TBXAS1: variants seen among roughly 807,000 people sequenced by gnomAD.
The protein encoded by TBXAS1 is thromboxane-A synthase.
TBXAS1 carries 48 observed loss-of-function variants against 60.7 expected under a neutral mutation model. That is an observed-to-expected ratio of 0.79 (90% confidence interval 0.63 to 1.01). TBXAS1 has a LOEUF of 1.01. TBXAS1 is among the 50% of genes least tolerant of loss of function. The pLI, the probability that TBXAS1 is intolerant of heterozygous loss-of-function variation, is 0.00. For missense variants in TBXAS1, 685 were observed against 686.3 expected (o/e 1.00, Z 0.02); for synonymous variants, 287 against 269.7 (o/e 1.06, Z -0.63).
intron 9 of TBXAS1, among the ~76,000 whole-genome samples, chr7:139,996,208 C>G (rs1177601497): frequency 1.3e-5 from 2 of 151,632 alleles, no homozygotes; most frequent in African/African-American, 4.8e-5. Context: ...CTCAAGCAAT[C>G]CTGCCACCTC....
intron 9 of TBXAS1, among the ~76,000 whole-genome samples, chr7:139,966,302 G>A (rs1348869701): frequency 6.6e-6 from 1 of 152,218 alleles, no homozygotes; most frequent in Non-Finnish European, 1.5e-5. Flanking sequence ...CTCCAAGAAA[G>A]AGCAGATATG....
chr7:139,994,039 A>G (rs751862304), intron 9 of TBXAS1, among the ~76,000 whole-genome samples: 1 of 151,162 alleles, frequency 6.6e-6, no homozygotes, highest in Non-Finnish European at 1.5e-5. Flanking sequence ...GTGCACAACC[A>G]TGCCCAGCTG....
At chr7:139,967,133 G>A (rs1054028134) in intron 9 of TBXAS1, among the ~76,000 whole-genome samples, 5 of 152,248 alleles carry the variant, frequency 3.3e-5, no homozygotes, top group Non-Finnish European at 5.9e-5. Context: ...ATACCAGCTA[G>A]ATGGCTCCAG....
intron 3 of TBXAS1, among the ~76,000 whole-genome samples, chr7:139,889,240 A>G (rs1304314026): frequency 2.6e-5 from 4 of 151,910 alleles, no homozygotes; most frequent in Non-Finnish European, 5.9e-5. Flanking sequence ...AGGCTGAGAT[A>G]GGAGGATCGC....
chr7:139,908,602 C>T (rs1805286732), intron 3 of TBXAS1, among the ~76,000 whole-genome samples: 1 of 152,108 alleles, frequency 6.6e-6, no homozygotes, highest in South Asian at 2.1e-4. Flanking sequence ...CCATTTTGGA[C>T]CTTTTAGCCT....
intron 2 of TBXAS1, among the ~76,000 whole-genome samples, chr7:139,874,361 C>T (rs910736147): frequency 2.0e-5 from 3 of 152,144 alleles, no homozygotes; most frequent in Admixed American, 6.5e-5. Flanking sequence ...AGGAAAACGG[C>T]GTAGCTGTCG....
chr7:140,011,796 C>A (rs998752534), intron 10 of TBXAS1, among the ~76,000 whole-genome samples: 1 of 152,020 alleles, frequency 6.6e-6, no homozygotes, highest in Admixed American at 6.5e-5. Context: ...AACCACAGAA[C>A]TGCACACTGA....
chr7:139,996,058 T>C (rs1031801167), intron 9 of TBXAS1, among the ~76,000 whole-genome samples: 49 of 152,034 alleles, frequency 3.2e-4, no homozygotes, highest in Non-Finnish European at 2.9e-5. Context: ...TGCCTCAAAC[T>C]CCTAGGTTCA....
chr7:139,929,395 T>G (rs1275462443), intron 4 of TBXAS1, among the ~76,000 whole-genome samples: 2 of 151,816 alleles, frequency 1.3e-5, no homozygotes, highest in African/African-American at 4.8e-5. Flanking sequence ...TGTGATGGAG[T>G]GATGGCTAAT....
At chr7:139,843,708 G>C (rs978295699) in intron 1 of TBXAS1, among the ~76,000 whole-genome samples, 3 of 152,224 alleles carry the variant, frequency 2.0e-5, no homozygotes, top group Non-Finnish European at 4.4e-5. Flanking sequence ...CCTAAGAGGA[G>C]GGCCCACATC....
At chr7:139,977,929 C>T (rs1811680413) in intron 9 of TBXAS1, among the ~76,000 whole-genome samples, 1 of 152,150 alleles carries the variant, frequency 6.6e-6, no homozygotes, top group African/African-American at 2.4e-5. Flanking sequence ...TTAAAAGTCT[C>T]CTAGAAGCAT....
intron 1 of TBXAS1, among the ~76,000 whole-genome samples, chr7:139,835,198 C>G (rs1204912641): frequency 1.3e-5 from 2 of 151,886 alleles, no homozygotes; most frequent in Non-Finnish European, 2.9e-5. Context: ...TCCGGAGTAG[C>G]TGGCACTACA....
intron 4 of TBXAS1, among the ~76,000 whole-genome samples, chr7:139,794,943 T>G (rs1242389998): frequency 7.1e-6 from 1 of 141,196 alleles, no homozygotes; most frequent in East Asian, 2.1e-4. Context: ...GTTCCAAGTC[T>G]TTGCTATTGT....
intron 4 of TBXAS1, among the ~76,000 whole-genome samples, chr7:139,816,634 A>G (rs1269232858): frequency 1.3e-5 from 2 of 152,234 alleles, no homozygotes; most frequent in Non-Finnish European, 1.5e-5. Flanking sequence ...TGCAAATTCT[A>G]GGGCCCCAAC....
chr7:139,849,400 C>CA (rs3831717), intron 1 of TBXAS1, among the ~76,000 whole-genome samples: 68 of 147,616 alleles, frequency 4.6e-4, no homozygotes, highest in South Asian at 2.4e-3. Context: ...CAAAAAACAA[C>CA]AAAAAAAAAA....
chr7:139,848,365 T>A (rs763007380), intron 1 of TBXAS1, among the ~76,000 whole-genome samples: 2 of 152,150 alleles, frequency 1.3e-5, no homozygotes, highest in Non-Finnish European at 2.9e-5. Flanking sequence ...AAGTTGTGCA[T>A]CATTGATTAT....
rs910056170 is a variant in TBXAS1, at chr7:139,868,904, T to C, written c.90-3331T>C. On this transcript the variant is annotated intron_variant, in intron 1 of 12. Coordinates refer to ENST00000448866, the MANE Select transcript of TBXAS1 (RefSeq NM_001061.7). ...CTGACCTCAAGTGATCTGCCTGCCT[T>C]GGCTCCCCGAAGTGCTGGGATTACA... Among the ~76,000 whole-genome samples the C allele has an allele frequency of 5.3e-5, 8 of 151,950 alleles. No individual in the cohort carries two copies. The East Asian group carries it at 1.4e-3, about 26-fold the overall frequency.
intron 4 of TBXAS1, among the ~76,000 whole-genome samples, chr7:139,919,200 G>A (rs995354876): frequency 5.3e-5 from 8 of 152,272 alleles, no homozygotes; most frequent in Admixed American, 2.6e-4. Flanking sequence ...GGTCTTTCAC[G>A]TCTCCAGGTG....
At chr7:140,011,276 C>CA (rs796088893) in intron 10 of TBXAS1, among the ~76,000 whole-genome samples, 825 of 31,798 alleles carry the variant, frequency 0.026, 10 homozygotes, top group African/African-American at 0.084. Context: ...GACTCTGTCT[C>CA]AAAAAAAACA....
Sources: gnomAD v4.1 joint callset for allele counts (sites outside exome capture counted in the v4.1 genomes callset) on GRCh38, gnomAD v4.1.1 for gene constraint, MANE v1.5 for transcripts, NCBI Gene and HGNC (gene_info 2026-07-23, HGNC 2026-07-21) for gene names.